WASF1: variants seen among roughly 807,000 people sequenced by gnomAD.
The protein encoded by WASF1 is actin-binding protein WASF1.
WASF1 carries 7 observed loss-of-function variants against 50.5 expected under a neutral mutation model. That is an observed-to-expected ratio of 0.14 (90% CI 0.08 to 0.26). WASF1 has a LOEUF of 0.26. Among genes scored for constraint, WASF1 ranks in the 10% least tolerant of loss-of-function variants. The pLI, the probability that WASF1 is intolerant of heterozygous loss-of-function variation, is 1.00. For missense variants in WASF1, 470 were observed against 694.7 expected (o/e 0.68, Z 3.64); for synonymous variants, 205 against 244.0 (o/e 0.84, Z 1.49).
rs180906364 is a variant in WASF1 at position 110,140,310 on chromosome 6, C to T, written c.-28-12681G>A. On this transcript the variant is annotated intron_variant, in intron 3 of 10. Transcript: ENST00000392589. ...AAGGCATGGATGCTCTATGCCCCTT[C>T]CCCTATAACTTGCCCCATGCATTCT... Among the ~76,000 whole-genome samples, 5 of 152,288 alleles carry T rather than the reference C, an allele frequency of 3.3e-5. No individual in the cohort carries two copies. In the East Asian group the frequency reaches 9.6e-4, roughly 29 times the overall value.
intron 3 of WASF1, among the ~76,000 whole-genome samples, chr6:110,145,079 T>C (rs1775487360): frequency 6.6e-6 from 1 of 152,234 alleles, no homozygotes; most frequent in Non-Finnish European, 1.5e-5. Context: ...AACTGTTTCT[T>C]CCTACCCATG....
chr6:110,115,458 C>A (rs1773761735), intron 4 of WASF1, among the ~76,000 whole-genome samples: 1 of 152,248 alleles, frequency 6.6e-6, no homozygotes, highest in African/African-American at 2.4e-5. Context: ...CCCATTGACG[C>A]TTTGTCCCTG....
chr6:110,155,563 T>A (rs891526077), intron 3 of WASF1, among the ~76,000 whole-genome samples: 1 of 115,334 alleles, frequency 8.7e-6, no homozygotes, highest in Non-Finnish European at 1.7e-5. Flanking sequence ...TTTTTTTTTT[T>A]TTATTATACT....
intron 2 of WASF1, among the ~76,000 whole-genome samples, chr6:110,176,088 C>CA (rs1422771631): frequency 1.3e-5 from 2 of 151,966 alleles, no homozygotes; most frequent in East Asian, 3.9e-4. Flanking sequence ...AAAATGTAAT[C>CA]AATTGTGTAG....
rs1776009772 is a variant in WASF1 at position 110,155,254 on chromosome 6, T to A, written c.-29+5381A>T. Among the ~76,000 whole-genome samples, 3 of 152,108 alleles carry A rather than the reference T, an allele frequency of 2.0e-5. No homozygotes were observed. The South Asian group carries it at 6.2e-4, about 31-fold the overall frequency. On this transcript the variant is annotated intron_variant, in intron 3 of 10. Transcript: ENST00000392589. ...GCCTCGATATACCAATATACCATCA[T>A]AATGTACACCTAAGTATGCTTTTTA... is the stretch of plus-strand genomic sequence containing the variant.
intron 1 of WASF1, 88 bp from the exon 2 acceptor site, chr6:110,178,830 T>C (rs913561924): frequency 2.6e-5 from 4 of 152,574 alleles, no homozygotes; most frequent in Non-Finnish European, 5.9e-5. Context: ...GGGCGAGTCC[T>C]GCCGACATGA....
chr6:110,124,270 C>A (rs1238389791), intron 4 of WASF1, among the ~76,000 whole-genome samples: 147 of 52,310 alleles, frequency 2.8e-3, no homozygotes, highest in Non-Finnish European at 3.5e-3. Context: ...CTCTCTCTCT[C>A]TCTCTATATA....
At chr6:110,125,553 A>G (rs1021201325) in intron 4 of WASF1, among the ~76,000 whole-genome samples, 11 of 152,156 alleles carry the variant, frequency 7.2e-5, no homozygotes, top group Non-Finnish European at 1.0e-4. Flanking sequence ...TTTTATGTGC[A>G]TGGTCTTTAG....
At chr6:110,131,113 G>C (rs1774648021) in intron 3 of WASF1, among the ~76,000 whole-genome samples, 1 of 152,110 alleles carries the variant, frequency 6.6e-6, no homozygotes, top group East Asian at 1.9e-4. Context: ...TCTTTCACTT[G>C]CTATTCCACT....
Position 110,102,336 on chromosome 6 carries a change from T to C in WASF1, c.894-120A>G, listed in dbSNP as rs140044248. ...TATCAAAATGGATCCAATAACATGC[T>C]CCTATAGAAATTTAACATCTTCAAC... is the stretch of plus-strand genomic sequence containing the variant. On this transcript the variant is annotated intron_variant, in intron 9 of 10. Coordinates refer to ENST00000392589, the MANE Select transcript of WASF1 (RefSeq NM_003931.3). 7.0e-4 allele frequency: 729 copies of C among 1,046,542 alleles called. 2 individuals are homozygous for C. In the African/African-American group the frequency reaches 0.011, roughly 16 times the overall value. The allele number at this position is 1,046,542 out of a possible 1,614,324, so 64.8% of individuals were successfully genotyped here. A position where few individuals can be genotyped will look rare whatever the true frequency, so the allele number is the denominator to read the frequency against.
At chr6:110,148,061 T>C (rs896189405) in intron 3 of WASF1, among the ~76,000 whole-genome samples, 1 of 152,214 alleles carries the variant, frequency 6.6e-6, no homozygotes. Flanking sequence ...AGTTTATTTT[T>C]AGTGGTTTAA....
At chr6:110,149,807 C>T (rs1161390713) in intron 3 of WASF1, among the ~76,000 whole-genome samples, 1 of 152,102 alleles carries the variant, frequency 6.6e-6, no homozygotes, top group Non-Finnish European at 1.5e-5. Context: ...CACCCATCAC[C>T]TGAGCAGTGT....
chr6:110,124,264 C>A (rs1348861161), intron 4 of WASF1, among the ~76,000 whole-genome samples: 6 of 62,780 alleles, frequency 9.6e-5, no homozygotes, highest in Non-Finnish European at 1.4e-4. Context: ...CTCTCTCTCT[C>A]TCTCTCTCTC....
chr6:110,140,380 A>AT (rs1775173466), intron 3 of WASF1, among the ~76,000 whole-genome samples: 1 of 152,220 alleles, frequency 6.6e-6, no homozygotes, highest in Non-Finnish European at 1.5e-5. Flanking sequence ...ATTGGTAAGT[A>AT]TAAGTGCTTC....
intron 3 of WASF1, among the ~76,000 whole-genome samples, chr6:110,152,366 A>T (rs575559945): frequency 6.6e-6 from 1 of 152,176 alleles, no homozygotes; most frequent in East Asian, 1.9e-4. Flanking sequence ...ATCCAACAAA[A>T]ACTTACTCTG....
At chr6:110,131,541 T>C (rs1774671305) in intron 3 of WASF1, among the ~76,000 whole-genome samples, 1 of 152,204 alleles carries the variant, frequency 6.6e-6, no homozygotes, top group African/African-American at 2.4e-5. Flanking sequence ...GTAAGTTCGC[T>C]CTGTTGCTCA....
intron 2 of WASF1, among the ~76,000 whole-genome samples, chr6:110,163,537 A>G (rs113028948): frequency 3.3e-5 from 5 of 151,624 alleles, no homozygotes; most frequent in East Asian, 1.9e-4. Flanking sequence ...CCAAAGTCCT[A>G]TCTCCTAATA....
At chr6:110,107,036 T>C (rs961718169) in intron 7 of WASF1, 41 bp downstream of exon 7, 79 of 1,389,668 alleles carry the variant, frequency 5.7e-5, no homozygotes, top group Non-Finnish European at 7.5e-5. Context: ...AAAACACAAA[T>C]ATACAAAAAT....
chr6:110,108,676 A>G lies in WASF1; in HGVS notation c.274T>C (p.Leu92=), dbSNP rs1192576183. The part of the protein sequence containing the change: ...QLDPKEEELS[L]QDITMRKAFR... ...GCTTTCCTCATTGTTATATCTTGCAAAGACACTAAAACAAAAATCAAGAAT... is the reference window on the plus strand; with the variant it reads ...GCTTTCCTCATTGTTATATCTTGCAGAGACACTAAAACAAAAATCAAGAAT... The change falls in exon 6 of 11, where the codon TTG becomes CTG. Residue 92 remains leucine, a synonymous_variant. Transcript: ENST00000392589. 6.2e-7 allele frequency: 1 copy of G among 1,610,978 alleles called. No homozygotes were observed. Among genetic ancestry groups the G allele is most frequent in the Non-Finnish European group, 8.5e-7 (1 of 1,178,932 alleles).
Sources: allele counts gnomAD v4.1 joint callset (sites outside exome capture counted in the v4.1 genomes callset), GRCh38; gene constraint gnomAD v4.1.1; transcripts MANE v1.5; gene names NCBI Gene and HGNC (gene_info 2026-07-23, HGNC 2026-07-21).